The following EPM2A variants were observed in gnomAD, a reference collection of about 807,000 sequenced individuals.
EPM2A encodes the protein EPM2A glucan phosphatase, laforin, also known as laforin.
In EPM2A, 21 loss-of-function variants were observed where a neutral mutation model predicts 26.5. The observed-to-expected ratio is 0.79, with a 90% CI of 0.56 to 1.14. EPM2A has a LOEUF of 1.14. EPM2A is among the 50% of genes most tolerant of loss of function. The pLI is 0.00. For synonymous variants in EPM2A, 217 were observed against 177.6 expected (o/e 1.22, Z -1.76); for missense variants, 458 against 440.8 (o/e 1.04, Z -0.35).
chr6:145,435,993 T>C (rs1334842835), intron 4 of EPM2A, among the ~76,000 whole-genome samples: 1 of 152,174 alleles, frequency 6.6e-6, no homozygotes, highest in Non-Finnish European at 1.5e-5. Flanking sequence ...CCTCTTGGTG[T>C]TGTACATTCA....
intron 2 of EPM2A, among the ~76,000 whole-genome samples, chr6:145,681,078 G>A (rs191426883): frequency 5.7e-4 from 86 of 152,212 alleles, no homozygotes; most frequent in African/African-American, 2.0e-3. Context: ...TTGAATGATT[G>A]CAATTCTAAC....
chr6:145,422,634 G>A (rs1778803836), intron 4 of EPM2A, among the ~76,000 whole-genome samples: 1 of 151,970 alleles, frequency 6.6e-6, no homozygotes, highest in South Asian at 2.1e-4. Flanking sequence ...ATGACACTTA[G>A]GCAGGGCTCT....
chr6:145,490,118 G>C (rs1456936176), intron 4 of EPM2A: 3 of 1,176,660 alleles, frequency 2.5e-6, no homozygotes, highest in Non-Finnish European at 3.6e-6. Context: ...AATAGTCATT[G>C]ATATGTCACA....
chr6:145,615,094 G>T (rs897880474), intron 2 of EPM2A, among the ~76,000 whole-genome samples: 2 of 152,126 alleles, frequency 1.3e-5, no homozygotes, highest in Non-Finnish European at 2.9e-5. Context: ...GCCAAAACAG[G>T]GTTGAATACA....
intron 2 of EPM2A, chr6:145,636,282 C>G (rs1317008984): frequency 6.6e-6 from 1 of 152,208 alleles, no homozygotes; most frequent in Non-Finnish European, 1.5e-5. Context: ...AGGCGGGTCA[C>G]CTGAAGTCAG....
At chr6:145,386,100 A>G (rs1270159877) in intron 4 of EPM2A, among the ~76,000 whole-genome samples, 2 of 152,142 alleles carry the variant, frequency 1.3e-5, no homozygotes, top group Non-Finnish European at 2.9e-5. Context: ...ATTCTTTAAA[A>G]TAATAAAAAA....
Position 145,485,536 on chromosome 6 carries a change from A to C in EPM2A, c.555+16986T>G, listed in dbSNP as rs144035972. On this transcript the variant is annotated intron_variant, in intron 4 of 4. Transcript: ENST00000638717. ...AACTACAAACCGCAGGGAAGGAAGC[A>C]AACAGGGTTGAAAATACCTACAGAA... Among the ~76,000 whole-genome samples the C allele has an allele frequency of 1.6e-3, 236 of 152,252 alleles. 1 individual carries two copies. Among genetic ancestry groups the C allele is most frequent in the African/African-American group, 5.4e-3 (226 of 41,566 alleles).
At chr6:145,547,721 A>G (rs953780258) in intron 2 of EPM2A, among the ~76,000 whole-genome samples, 1 of 152,096 alleles carries the variant, frequency 6.6e-6, no homozygotes, top group Non-Finnish European at 1.5e-5. Context: ...CTCTCTTGCT[A>G]TTGAACAGAA....
rs528767670 is a variant in EPM2A at position 145,687,661 on chromosome 6, T to C, written c.302-1365A>G. ...TGATTCATTTGTTCTTTTCTCTTTG[T>C]TCTGTCTTACAAAATATTTAACCTA... On this transcript the variant is annotated intron_variant, in intron 1 of 3. Transcript: ENST00000367519. Among the ~76,000 whole-genome samples, 7 of 152,294 alleles carry C rather than the reference T, an allele frequency of 4.6e-5. No individual in the cohort carries two copies. The South Asian group carries it at 1.4e-3, about 32-fold the overall frequency.
At chr6:145,600,106 T>C (rs573816813) in intron 2 of EPM2A, among the ~76,000 whole-genome samples, 2 of 152,334 alleles carry the variant, frequency 1.3e-5, no homozygotes, top group East Asian at 3.9e-4. Flanking sequence ...TTCTTTATAT[T>C]CTGTCTTATT....
At chr6:145,479,380 CTA>C (rs201087886) in intron 4 of EPM2A, among the ~76,000 whole-genome samples, 1,514 of 150,500 alleles carry the variant, frequency 0.01, 18 homozygotes, top group Middle Eastern at 0.024. Context: ...ACTATCACCA[CTA>C]TCTTTTTACA....
At chr6:145,429,142 A>G (rs962682622) in intron 4 of EPM2A, among the ~76,000 whole-genome samples, 1 of 148,346 alleles carries the variant, frequency 6.7e-6, no homozygotes, top group Non-Finnish European at 1.5e-5. Context: ...TTTACAAAGA[A>G]AAAAAATACT....
At chr6:145,693,231 T>A (rs894816041) in intron 1 of EPM2A, among the ~76,000 whole-genome samples, 2 of 152,058 alleles carry the variant, frequency 1.3e-5, no homozygotes, top group African/African-American at 2.4e-5. Context: ...TGTTGGTATA[T>A]AGAAATGCTA....
At chr6:145,651,884 G>T (rs375101256) in intron 2 of EPM2A, among the ~76,000 whole-genome samples, 39 of 152,188 alleles carry the variant, frequency 2.6e-4, no homozygotes, top group African/African-American at 7.9e-4. Flanking sequence ...GATGTTGTAT[G>T]TTTTATTTCC....
intron 4 of EPM2A, among the ~76,000 whole-genome samples, chr6:145,399,076 C>T (rs368898857): frequency 6.6e-6 from 1 of 152,102 alleles, no homozygotes; most frequent in Non-Finnish European, 1.5e-5. Flanking sequence ...AGACAGATAA[C>T]ACATTCTAGA....
chr6:145,425,116 CCCTT>C (rs71028346), intron 4 of EPM2A, among the ~76,000 whole-genome samples: 12,041 of 131,848 alleles, frequency 0.091, 634 homozygotes, highest in African/African-American at 0.14. Context: ...ATGTAAGTCT[CCCTT>C]CCTTCCTTCC....
intron 3 of EPM2A, among the ~76,000 whole-genome samples, chr6:145,633,185 C>T (rs935595185): frequency 6.6e-6 from 1 of 152,104 alleles, no homozygotes; most frequent in South Asian, 2.1e-4. Flanking sequence ...GCGGGGGATG[C>T]GTGGCACAGT....
downstream of EPM2A, among the ~76,000 whole-genome samples, chr6:145,500,010 C>CTT (rs5880644): frequency 7.1e-4 from 106 of 149,322 alleles, no homozygotes; most frequent in South Asian, 4.0e-3. Flanking sequence ...AAAAGATGTG[C>CTT]TTTTTTTTTT....
chr6:145,486,058 A>G (rs1184309719), intron 4 of EPM2A, among the ~76,000 whole-genome samples: 1 of 152,186 alleles, frequency 6.6e-6, no homozygotes, highest in Admixed American at 6.5e-5. Flanking sequence ...ACCAAAGCCA[A>G]GAAATTTCAT....
Sources: allele counts gnomAD v4.1 joint callset (sites outside exome capture counted in the v4.1 genomes callset), GRCh38; gene constraint gnomAD v4.1.1; transcripts MANE v1.5; gene names NCBI Gene and HGNC (gene_info 2026-07-23, HGNC 2026-07-21).